The following TMTC1 variants were observed in gnomAD, a reference collection of about 807,000 sequenced individuals.
The protein encoded by TMTC1 is protein O-mannosyl-transferase TMTC1.
Under a neutral mutation model 104.8 loss-of-function variants are expected in TMTC1, and 73 were observed. That is an observed-to-expected ratio of 0.70 (90% CI 0.58 to 0.85). The LOEUF (loss-of-function observed/expected upper bound fraction) is 0.85, where lower values mean the gene tolerates loss of function less well. Among genes scored for constraint, TMTC1 ranks in the 40% least tolerant of loss-of-function variants. The pLI is 0.00. For synonymous variants in TMTC1, 434 were observed against 428.7 expected (o/e 1.01, Z -0.15); for missense variants, 1,035 against 1,096.1 (o/e 0.94, Z 0.79).
At chr12:29,654,115 A>T (rs529313277) in intron 5 of TMTC1, among the ~76,000 whole-genome samples, 14 of 152,234 alleles carry the variant, frequency 9.2e-5, no homozygotes, top group African/African-American at 3.1e-4. Context: ...TAAAAAACTT[A>T]CATGCTTCAA....
chr12:29,612,442 T>A (rs1946869254), intron 6 of TMTC1, among the ~76,000 whole-genome samples: 1 of 152,220 alleles, frequency 6.6e-6, no homozygotes, highest in South Asian at 2.1e-4. Context: ...AGGGTCTTGC[T>A]CTTGCTCTGT....
At chr12:29,737,024 C>A (rs986485491) in intron 5 of TMTC1, among the ~76,000 whole-genome samples, 1 of 152,228 alleles carries the variant, frequency 6.6e-6, no homozygotes, top group African/African-American at 2.4e-5. Flanking sequence ...TTCACTGCTG[C>A]GTCAGAGAGC....
chr12:29,744,409 G>T (rs888190646), intron 5 of TMTC1, among the ~76,000 whole-genome samples: 5 of 152,120 alleles, frequency 3.3e-5, no homozygotes, highest in Admixed American at 1.3e-4. Flanking sequence ...TAAAATAAAA[G>T]AAACTATCAA....
At chr12:29,537,438 G>T (rs912506773) in intron 10 of TMTC1, among the ~76,000 whole-genome samples, 3 of 152,068 alleles carry the variant, frequency 2.0e-5, no homozygotes, top group African/African-American at 7.2e-5. Context: ...GAAGTCAAGT[G>T]ACTCATCCAT....
At chr12:29,670,749 C>A (rs1448890696) in intron 5 of TMTC1, among the ~76,000 whole-genome samples, 1 of 151,146 alleles carries the variant, frequency 6.6e-6, no homozygotes, top group Non-Finnish European at 1.5e-5. Context: ...AGTAACACTG[C>A]AAAACCTCAT....
In TMTC1 at chr12:29,521,368, G is replaced by C. The variant is rs989835239; in HGVS notation, c.1786-648C>G. Among the ~76,000 whole-genome samples the C allele has an allele frequency of 3.3e-5, 5 of 152,116 alleles. No individual in the cohort carries two copies. The East Asian group carries it at 7.8e-4, about 24-fold the overall frequency. On this transcript the variant is annotated intron_variant, in intron 11 of 17. Coordinates refer to ENST00000539277, the MANE Select transcript of TMTC1 (RefSeq NM_001193451.2). ...AGTCCATGCTTTCCACCTCTGAGCT[G>C]CTCCCTCCAACAGGTTTATATGTCC...
chr12:29,588,198 T>C (rs1440018227), intron 7 of TMTC1, among the ~76,000 whole-genome samples: 1 of 152,186 alleles, frequency 6.6e-6, no homozygotes, highest in African/African-American at 2.4e-5. Context: ...CTGGATTTGA[T>C]TGCCACAGGT....
intron 5 of TMTC1, among the ~76,000 whole-genome samples, chr12:29,736,784 G>A (rs1036511782): frequency 1.3e-5 from 2 of 152,158 alleles, no homozygotes; most frequent in African/African-American, 2.4e-5. Context: ...CCATGACTAC[G>A]TGCAACACTG....
At chr12:29,719,107 T>C (rs1942164521) in intron 5 of TMTC1, among the ~76,000 whole-genome samples, 1 of 152,196 alleles carries the variant, frequency 6.6e-6, no homozygotes. Flanking sequence ...TCTCTCTTTT[T>C]TGTGGTAAAT....
intron 10 of TMTC1, among the ~76,000 whole-genome samples, chr12:29,536,987 CA>C (rs1944663971): frequency 6.6e-6 from 1 of 152,140 alleles, no homozygotes; most frequent in Admixed American, 6.5e-5. Context: ...ACTCAAGGCC[CA>C]AAAGTCATTA....
At chr12:29,668,819 C>G (rs2033032) in intron 5 of TMTC1, among the ~76,000 whole-genome samples, 84,370 of 152,056 alleles carry the variant, frequency 0.55, 23,628 homozygotes, top group African/African-American at 0.63. Context: ...TCAGTTCATA[C>G]AGTTCTACAA....
At chr12:29,640,238 A>T (rs1938770320) in intron 5 of TMTC1, among the ~76,000 whole-genome samples, 1 of 152,204 alleles carries the variant, frequency 6.6e-6, no homozygotes, top group Non-Finnish European at 1.5e-5. Flanking sequence ...ACCGAGCTCA[A>T]TTAAAGGCGG....
intron 2 of TMTC1, among the ~76,000 whole-genome samples, chr12:29,766,370 A>G (rs1943463808): frequency 6.6e-6 from 1 of 152,202 alleles, no homozygotes; most frequent in Non-Finnish European, 1.5e-5. Context: ...ACATACTATT[A>G]TGCATCCCCA....
chr12:29,633,072 G>T, intron 6 of TMTC1, 75 bp downstream of exon 6: 3 of 1,348,872 alleles, frequency 2.2e-6, no homozygotes, highest in African/African-American at 1.4e-5. Flanking sequence ...CAGACCATCC[G>T]CACTAAAAAG....
intron 5 of TMTC1, among the ~76,000 whole-genome samples, chr12:29,653,117 C>A (rs936478926): frequency 6.6e-6 from 1 of 151,244 alleles, no homozygotes; most frequent in African/African-American, 2.4e-5. Context: ...ACTTATATAT[C>A]TGGCAATGGC....
chr12:29,565,952 C>G (rs1945500207), intron 9 of TMTC1, among the ~76,000 whole-genome samples: 1 of 152,190 alleles, frequency 6.6e-6, no homozygotes, highest in South Asian at 2.1e-4. Flanking sequence ...CTCCTTCATG[C>G]TGGGGATAAG....
chr12:29,715,624 C>A (rs1197494579), intron 5 of TMTC1, among the ~76,000 whole-genome samples: 1 of 152,114 alleles, frequency 6.6e-6, no homozygotes, highest in Non-Finnish European at 1.5e-5. Flanking sequence ...ATTAGCTTGG[C>A]ATTTGTATTA....
In TMTC1 at chr12:29,503,631, G is replaced by GT. The variant is rs1943640100; in HGVS notation, c.*3214dup. The GT allele has an allele frequency of 6.6e-6, 1 of 152,196 alleles. No homozygotes were observed. The allele number at this position is 152,196 out of a possible 1,614,324, so 9.4% of individuals were successfully genotyped here. ...GAAAAAAATAGCAAATCTGTTCAGA[G>GT]TAACACAATCATAAAATGAAACTCT... On this transcript the variant is annotated 3_prime_UTR_variant, in exon 18 of 18. Coordinates refer to ENST00000539277, the MANE Select transcript of TMTC1 (RefSeq NM_001193451.2).
chr12:29,566,370 C>T (rs1945515566), intron 9 of TMTC1, among the ~76,000 whole-genome samples: 1 of 152,106 alleles, frequency 6.6e-6, no homozygotes, highest in African/African-American at 2.4e-5. Flanking sequence ...GCAGGGCGAG[C>T]ATGGAGGCTG....
Sources: allele counts gnomAD v4.1 joint callset (sites outside exome capture counted in the v4.1 genomes callset), GRCh38; gene constraint gnomAD v4.1.1; transcripts MANE v1.5; gene names NCBI Gene and HGNC (gene_info 2026-07-23, HGNC 2026-07-21).